Variants in NUTM2F observed in about 807,000 individuals in gnomAD.
NUTM2F encodes NUT family member 2F.
NUTM2F carries 22 observed loss-of-function variants against 43.3 expected under a neutral mutation model. The ratio of observed to expected loss-of-function variants is 0.51; its 90% confidence interval spans 0.36 to 0.73. The LOEUF (loss-of-function observed/expected upper bound fraction) is 0.73. NUTM2F is among the 30% of genes least tolerant of loss of function. The probability of loss-of-function intolerance (pLI) is 0.00; values close to 1 mark genes in which losing one functional copy is unlikely to be tolerated. For synonymous variants in NUTM2F, 202 were observed against 389.0 expected (o/e 0.52, Z 5.66); for missense variants, 488 against 927.4 (o/e 0.53, Z 6.15).
Position 94,322,279 on chromosome 9 carries a change from T to A in NUTM2F, c.764A>T (p.Glu255Val). 8 of 1,611,982 alleles carry A rather than the reference T, an allele frequency of 5.0e-6. No homozygotes were observed. The highest frequency in any genetic ancestry group is 6.8e-6 in the Non-Finnish European group (8 of 1,179,868). ...ARRKPTMTLE[E>V]GLWQAMREWQ... ...TTCCCGCATGGCCTGCCACAGTCCC[T>A]CCTCCAGCGTCATGGTGGGCTTCCG... Residue 255 changes from glutamate to valine, a missense_variant, in exon 3 of 7, where the codon GAG becomes GTG. By Grantham distance (121) the Glu-to-Val change is moderately radical. Transcript: ENST00000253262.
Position 94,320,723 on chromosome 9 carries a change from C to G in NUTM2F, c.983-130G>C. On this transcript the variant is annotated intron_variant, in intron 4 of 6. Transcript: ENST00000253262. This position sits in a 1 kb window ranked among gnomAD's most constrained non-coding sequence, Gnocchi z 4.5. ...GTCAGGACCACCTGAACCACAGCGC[C>G]CCGGAGGAGACGCCACAGGAGGGGC... The G allele has an allele frequency of 7.3e-7, 1 of 1,363,752 alleles. No individual in the cohort carries two copies. The highest frequency in any genetic ancestry group is 9.8e-7 in the Non-Finnish European group (1 of 1,024,036). The allele number at this position is 1,363,752 out of a possible 1,614,324, so 84.5% of individuals were successfully genotyped here. A position where few individuals can be genotyped will look rare whatever the true frequency, so the allele number is the denominator to read the frequency against.
In NUTM2F at chr9:94,320,728, A is replaced by G. The variant is rs1228710407; in HGVS notation, c.983-135T>C. 2.2e-6 allele frequency: 3 copies of G among 1,362,610 alleles called. No homozygotes were observed. Among genetic ancestry groups the G allele is most frequent in the African/African-American group, 1.5e-5 (1 of 68,674 alleles). 84.4% of individuals were successfully genotyped at this position (1,362,610 alleles called of 1,614,324 possible). Reference sequence around the variant, plus strand: ...GACCACCTGAACCACAGCGCCCCGGAGGAGACGCCACAGGAGGGGCACATC... The same window carrying G: ...GACCACCTGAACCACAGCGCCCCGGGGGAGACGCCACAGGAGGGGCACATC... On this transcript the variant is annotated intron_variant, in intron 4 of 6. Coordinates refer to ENST00000253262, the MANE Select transcript of NUTM2F (RefSeq NM_017561.2). This position sits in a 1 kb window ranked among gnomAD's most constrained non-coding sequence, Gnocchi z 4.5.
chr9:94,326,221 C>A (rs1349775418), intron 1 of NUTM2F, among the ~76,000 whole-genome samples: 1 of 152,016 alleles, frequency 6.6e-6, no homozygotes, highest in East Asian at 1.9e-4. Context: ...GCAGACTGCA[C>A]CAGCCTCACA....
At position 94,325,855 on chromosome 9, in the gene NUTM2F, T is replaced by C; in HGVS notation, c.96A>G (p.Thr32=). 5 of 1,611,560 alleles carry C rather than the reference T, an allele frequency of 3.1e-6. No homozygotes were observed. The highest frequency in any genetic ancestry group is 4.2e-6 in the Non-Finnish European group (5 of 1,179,778). Residue 32 remains threonine, a synonymous_variant, in exon 2 of 7, where the codon ACA becomes ACG. Coordinates refer to ENST00000253262, the MANE Select transcript of NUTM2F (RefSeq NM_017561.2). ...LSVFTALPFA[T]PAPGPAHRPP... ...GCCTGTGTGCTGGGCCGGGAGCGGG[T>C]GTGGCAAAGGGCAGAGCCGTGAACA...
intron 3 of NUTM2F, 52 bp downstream of exon 3, chr9:94,322,149 C>T: frequency 6.2e-7 from 1 of 1,610,866 alleles, no homozygotes; most frequent in Non-Finnish European, 8.5e-7. Context: ...GGGCCTCTGT[C>T]ATTCACTCTC....
At chr9:94,323,476 G>A (rs1238406058) in intron 2 of NUTM2F, among the ~76,000 whole-genome samples, 4 of 152,280 alleles carry the variant, frequency 2.6e-5, no homozygotes, top group East Asian at 1.9e-4. Flanking sequence ...AGATGCTGAT[G>A]TTGCTGCCTC....
intron 1 of NUTM2F, among the ~76,000 whole-genome samples, chr9:94,326,332 G>A (rs1440896649): frequency 6.6e-6 from 1 of 151,662 alleles, no homozygotes; most frequent in Non-Finnish European, 1.5e-5. Context: ...GGCAGTGCTC[G>A]GCATTCAGAA....
chr9:94,324,904 T>C (rs1831430552), intron 2 of NUTM2F, among the ~76,000 whole-genome samples: 1 of 143,942 alleles, frequency 6.9e-6, no homozygotes, highest in Admixed American at 6.9e-5. Flanking sequence ...GCAGAATCAC[T>C]TGAACCCGGG....
chr9:94,320,476 G>A lies in NUTM2F; in HGVS notation c.1100C>T (p.Ala367Val), dbSNP rs767026006. ...TGGTGGCAGGTGGGCGTTGGTCTCCGCTGGCCTCTGGGGCCTGGGTGGTGG... is the reference window on the plus strand; with the variant it reads ...TGGTGGCAGGTGGGCGTTGGTCTCCACTGGCCTCTGGGGCCTGGGTGGTGG... ...HLPPPRPQRPAETNAHLPPPR... is the reference protein window; with the variant it reads ...HLPPPRPQRPVETNAHLPPPR... The change falls in exon 5 of 7, where the codon GCG (alanine) becomes GTG (valine). Residue 367 changes from alanine to valine, a missense_variant. By Grantham distance (64) the Ala-to-Val change is moderately conservative. Coordinates refer to ENST00000253262, the MANE Select transcript of NUTM2F (RefSeq NM_017561.2). The surrounding 1 kb of genome is among the most constrained non-coding windows in gnomAD (Gnocchi z 4.5). The A allele has an allele frequency of 1.1e-5, 17 of 1,611,222 alleles. No individual in the cohort carries two copies. The Admixed American group carries it at 1.5e-4, about 14-fold the overall frequency.
At chr9:94,321,310 A>G (rs1270183065) in intron 3 of NUTM2F, 78 bp from the exon 4 acceptor site, 13 of 1,534,266 alleles carry the variant, frequency 8.5e-6, no homozygotes, top group Non-Finnish European at 1.1e-5. Flanking sequence ...AGCTGAGGGC[A>G]GGGATGGGAG....
intron 1 of NUTM2F, among the ~76,000 whole-genome samples, chr9:94,327,397 C>T (rs1260700569): frequency 6.8e-6 from 1 of 148,090 alleles, no homozygotes; most frequent in Non-Finnish European, 1.5e-5. Context: ...CCACCGCGCC[C>T]GGCCAGGGAT....
At chr9:94,323,170 C>A (rs1288822203) in intron 2 of NUTM2F, among the ~76,000 whole-genome samples, 3 of 152,030 alleles carry the variant, frequency 2.0e-5, no homozygotes, top group African/African-American at 7.2e-5. Context: ...AAGGCAAAGG[C>A]CTGTGAGCCC....
At position 94,322,215 on chromosome 9, in the gene NUTM2F, G is replaced by C; in HGVS notation, c.828C>G (p.Tyr276Ter). The C allele has an allele frequency of 6.2e-7, 1 of 1,612,068 alleles. No individual in the cohort carries two copies. The highest frequency in any genetic ancestry group is 8.5e-7 in the Non-Finnish European group (1 of 1,179,880). The change falls in exon 3 of 7, where the codon TAC becomes TAG. Residue 276 changes from tyrosine to a stop codon, truncating the protein, a stop_gained. Transcript: ENST00000253262. LOFTEE classifies it high-confidence loss of function. ...HTSNFDRMIF[Y>*]EMAEKFLEFE... ...CCCAGACTCACTTTTCCGCCATCTC[G>C]TAGAAGATCATCCGGTCAAAGTTGC...
chr9:94,322,013 C>T lies in NUTM2F; in HGVS notation c.842+188G>A, dbSNP rs1461740757. On this transcript the variant is annotated intron_variant, in intron 3 of 6. Coordinates refer to ENST00000253262, the MANE Select transcript of NUTM2F (RefSeq NM_017561.2). ...AGGCAGGGGGTGCTTCCCAAGAGGG[C>T]GGGACAGAGACCCCAGAGCACTCTA... is the stretch of plus-strand genomic sequence containing the variant. Among the ~76,000 whole-genome samples the T allele has an allele frequency of 7.3e-5, 11 of 151,104 alleles. 1 individual carries two copies. The highest frequency in any genetic ancestry group is 3.9e-4 in the Admixed American group (6 of 15,194).
intron 2 of NUTM2F, among the ~76,000 whole-genome samples, chr9:94,323,831 G>A (rs1041446302): frequency 2.0e-4 from 31 of 152,124 alleles, no homozygotes; most frequent in Non-Finnish European, 2.5e-4. Context: ...CTCCACCACC[G>A]CTGTGCTAAC....
In NUTM2F at chr9:94,325,861, A is replaced by T; in HGVS notation, c.90T>A (p.Phe30Leu). ...TSLSVFTALP[F>L]ATPAPGPAHR... ...GTGCTGGGCCGGGAGCGGGTGTGGCAAAGGGCAGAGCCGTGAACACAGACA... is the reference window on the plus strand; with the variant it reads ...GTGCTGGGCCGGGAGCGGGTGTGGCTAAGGGCAGAGCCGTGAACACAGACA... Residue 30 changes from phenylalanine to leucine, a missense_variant, in exon 2 of 7, where the codon TTT (phenylalanine) becomes TTA (leucine). Phe to Leu is a conservative substitution (Grantham distance 22). Transcript: ENST00000253262. 2 of 1,612,024 alleles carry T rather than the reference A, an allele frequency of 1.2e-6. No individual in the cohort carries two copies. Among genetic ancestry groups the T allele is most frequent in the Non-Finnish European group, 1.7e-6 (2 of 1,179,866 alleles).
In NUTM2F at chr9:94,325,668, G is replaced by A. The variant is rs1445398697; in HGVS notation, c.283C>T (p.Pro95Ser). Residue 95 changes from proline (P) to serine (S), a missense_variant, in exon 2 of 7, where the codon CCT becomes TCT. Coordinates refer to ENST00000253262, the MANE Select transcript of NUTM2F (RefSeq NM_017561.2). ...MRTEVGPVKP[P>S]QAQTLILTQA... ...GTTAGGATCAAGGTCTGTGCCTGAG[G>A]GGGCTTCACAGGCCCCACTTCTGTC... 35 of 1,610,418 alleles carry A rather than the reference G, an allele frequency of 2.2e-5. No individual in the cohort carries two copies. In the Admixed American group the frequency reaches 4.7e-4, roughly 22 times the overall value.
rs772714387 is a variant in NUTM2F at position 94,319,642 on chromosome 9, C to G, written c.1456G>C (p.Glu486Gln). Residue 486 changes from glutamate to glutamine, a missense_variant, in exon 6 of 7, where the codon GAG becomes CAG. Glu to Gln is a conservative substitution (Grantham distance 29, BLOSUM62 2). Transcript: ENST00000253262. ...MDFLALSQEL[E>Q]QEEGLTLAQL... ...GCAAGGGTGAGTCCTTCCTCCTGCT[C>G]CAGCTCCTGGCTTAGGGCCAAGAAA... The G allele has an allele frequency of 6.2e-7, 1 of 1,612,218 alleles. No homozygotes were observed. Among genetic ancestry groups the G allele is most frequent in the African/African-American group, 1.3e-5 (1 of 74,956 alleles).
chr9:94,323,032 G>A (rs1476961151), intron 2 of NUTM2F, among the ~76,000 whole-genome samples: 1 of 152,028 alleles, frequency 6.6e-6, no homozygotes, highest in East Asian at 1.9e-4. Context: ...GAGCAAGGCA[G>A]CCCCTGGGGA....
Sources: allele counts gnomAD v4.1 joint callset (sites outside exome capture counted in the v4.1 genomes callset), GRCh38; gene constraint gnomAD v4.1.1; non-coding constraint Gnocchi (gnomAD v3.1); transcripts MANE v1.5; gene names NCBI Gene and HGNC (gene_info 2026-07-23, HGNC 2026-07-21).